Variants in PIDD1 observed in about 807,000 individuals in gnomAD.
The protein encoded by PIDD1 is p53-induced death domain-containing protein 1.
In PIDD1, 72 loss-of-function variants were observed where a neutral mutation model predicts 80.0. The ratio of observed to expected loss-of-function variants is 0.90; its 90% CI spans 0.74 to 1.09. The LOEUF (loss-of-function observed/expected upper bound fraction) is 1.09. Among genes scored for constraint, PIDD1 ranks in the 50% least tolerant of loss-of-function variants. The probability of loss-of-function intolerance (pLI) is 0.00; values close to 1 mark genes in which losing one functional copy is unlikely to be tolerated. For missense variants in PIDD1, 1,329 were observed against 1,228.3 expected, an observed-to-expected ratio of 1.08 and a Z score of -1.23; for synonymous variants, 655 against 543.5, an observed-to-expected ratio of 1.21 and a Z score of -2.85.
In PIDD1 at chr11:799,948, C is replaced by T. The variant is rs771866822; in HGVS notation, c.2341G>A (p.Asp781Asn). Residue 781 changes from aspartate (D) to asparagine (N), a missense_variant, in exon 15 of 16, where the codon GAT becomes AAT. Coordinates refer to ENST00000347755, the MANE Select transcript of PIDD1 (RefSeq NM_145886.4). ...GLSLAPLNLG[D>N]AETGFLTQSN... The stretch of plus-strand genomic sequence containing the variant: ...TGCGTCAGAAAGCCGGTCTCGGCAT[C>T]TCCCAGATTCAAGGGTGCCAAGGAG... The T allele has an allele frequency of 3.1e-6, 5 of 1,612,834 alleles. No individual in the cohort carries two copies. The highest frequency in any genetic ancestry group is 2.2e-5 in the East Asian group (1 of 44,884).
chr11:800,190 C>A lies in PIDD1; in HGVS notation c.2215G>T (p.Ala739Ser). The change falls in exon 14 of 16, where the codon GCC becomes TCC. Residue 739 changes from alanine (A) to serine (S), a missense_variant. By Grantham distance (99) the Ala-to-Ser change is moderately conservative. Coordinates refer to ENST00000347755, the MANE Select transcript of PIDD1 (RefSeq NM_145886.4). ...PVRVPEEAEA[A>S]RQRKGADALW... Reference sequence around the variant, plus strand: ...GCGTCTGCGCCCTTCCTCTGCCGGGCAGCCTCAGCCTCCTCGGGCACCCGC... The same window carrying A: ...GCGTCTGCGCCCTTCCTCTGCCGGGAAGCCTCAGCCTCCTCGGGCACCCGC... 1 of 1,610,732 alleles carries A rather than the reference C, an allele frequency of 6.2e-7. No individual in the cohort carries two copies. Among genetic ancestry groups the A allele is most frequent in the Non-Finnish European group, 8.5e-7 (1 of 1,179,272 alleles).
At position 800,614 on chromosome 11, in the gene PIDD1, G is replaced by A. The variant is rs1159345796; in HGVS notation, c.1970C>T (p.Ser657Phe). The A allele has an allele frequency of 6.2e-7, 1 of 1,600,994 alleles. No individual in the cohort carries two copies. The highest frequency in any genetic ancestry group is 8.5e-7 in the Non-Finnish European group (1 of 1,177,940). Residue 657 changes from serine to phenylalanine, a missense_variant, in exon 12 of 16, where the codon TCT becomes TTT. By Grantham distance (155) the Ser-to-Phe change is radical (BLOSUM62 -2). Transcript: ENST00000347755. The part of the protein sequence containing the change: ...LLERYRGPEP[S>F]DTVEMFEGEE... ...GCCCTCGAACATCTCCACCGTGTCAGAGGGCTCGGGGCCCCGGTACCGCTC... is the reference window on the plus strand; with the variant it reads ...GCCCTCGAACATCTCCACCGTGTCAAAGGGCTCGGGGCCCCGGTACCGCTC...
rs1269654992 is a variant in PIDD1, at chr11:804,534, G to GA, written c.-75-72dup. On this transcript the variant is annotated intron_variant, in intron 1 of 15. Transcript: ENST00000347755. ...TCTCTTTGGGGAAACAGGGACTCTG[G>GA]ATGGAGTGGGGAGCTCTAGAGCCAG... The GA allele has an allele frequency of 3.6e-6, 5 of 1,399,456 alleles. No individual in the cohort carries two copies. The Admixed American group carries it at 1.4e-4, about 40-fold the overall frequency. 86.7% of individuals were successfully genotyped at this position (1,399,456 alleles called of 1,614,324 possible).
chr11:805,300 G>C (rs1423068090), upstream of PIDD1: 1 of 848,492 alleles, frequency 1.2e-6, no homozygotes, highest in Non-Finnish European at 1.4e-6. Context: ...CCGCCCCCTC[G>C]GGACGCGCCC....
Position 800,742 on chromosome 11 carries a change from C to T in PIDD1, c.1917+20G>A, listed in dbSNP as rs779023204. Reference sequence around the variant, plus strand: ...AGCCCTCTGGTCACCACCCTGCTGCCCTCCGGCCCGTGCCCCCACCTTGTT... The same window carrying T: ...AGCCCTCTGGTCACCACCCTGCTGCTCTCCGGCCCGTGCCCCCACCTTGTT... On this transcript the variant is annotated intron_variant, in intron 11 of 15. Coordinates refer to ENST00000347755, the MANE Select transcript of PIDD1 (RefSeq NM_145886.4). 3.2e-6 allele frequency: 5 copies of T among 1,545,264 alleles called. No individual in the cohort carries two copies. In the African/African-American group the frequency reaches 4.1e-5, roughly 13 times the overall value.
At chr11:807,018 CGT>C (rs1865807302), upstream of PIDD1, among the ~76,000 whole-genome samples, 1 of 152,064 alleles carries the variant, frequency 6.6e-6, no homozygotes, top group Non-Finnish European at 1.5e-5. Flanking sequence ...ATGGTGAAAC[CGT>C]GTGTCTATTA....
chr11:802,396 G>A lies in PIDD1; in HGVS notation c.975C>T (p.Ser325=). 1 of 1,611,888 alleles carries A rather than the reference G, an allele frequency of 6.2e-7. No homozygotes were observed. Among genetic ancestry groups the A allele is most frequent in the Non-Finnish European group, 8.5e-7 (1 of 1,179,586 alleles). ...PRLFLTSDLD[S]FPVTPQGCSV... Reference sequence around the variant, plus strand: ...AGCAGCCTTGAGGGGTCACAGGAAAGCTGAGTGAGGAAGGAGCGAGCAACA... The same window carrying A: ...AGCAGCCTTGAGGGGTCACAGGAAAACTGAGTGAGGAAGGAGCGAGCAACA... Residue 325 remains serine, a splice_region_variant and synonymous_variant, in exon 6 of 16, where the codon AGC becomes AGT. Transcript: ENST00000347755.
At position 804,368 on chromosome 11, in the gene PIDD1, C is replaced by T; in HGVS notation, c.21G>A (p.Gly7=). Residue 7 remains glycine (G), a synonymous_variant, in exon 2 of 16, where the codon GGG becomes GGA. Transcript: ENST00000347755. The part of the protein sequence containing the change: MAATVE[G]PELEAAAAAG... ...CGGCAGCAGCTGCCTCCAGCTCTGG[C>T]CCCTCCACCGTTGCAGCCATCGCCC... 1 of 1,598,582 alleles carries T rather than the reference C, an allele frequency of 6.3e-7. No individual in the cohort carries two copies. The highest frequency in any genetic ancestry group is 8.5e-7 in the Non-Finnish European group (1 of 1,170,662).
Position 803,413 on chromosome 11 carries a change from T to G in PIDD1, c.470A>C (p.His157Pro). ...CTCAGGCAGCTCAGAGAGGCAGTTG[T>G]GAGACAGCAAGAGCGCACCCAGACC... Reference protein sequence around the residue: ...MRGLGALLLSHNCLSELPEAL... With the variant: ...MRGLGALLLSPNCLSELPEAL... The change falls in exon 3 of 16, where the codon CAC (histidine) becomes CCC (proline). Residue 157 changes from histidine to proline, a missense_variant. Transcript: ENST00000347755. 6.2e-7 allele frequency: 1 copy of G among 1,613,860 alleles called. No homozygotes were observed. Among genetic ancestry groups the G allele is most frequent in the Non-Finnish European group, 8.5e-7 (1 of 1,179,982 alleles).
At chr11:804,549 T>C in intron 1 of PIDD1, 86 bp from the exon 2 acceptor site, 1 of 1,350,918 alleles carries the variant, frequency 7.4e-7, no homozygotes, top group Non-Finnish European at 9.7e-7. Context: ...AGTGGGGAGC[T>C]CTAGAGCCAG....
At chr11:801,141 G>A (rs371002095) in intron 9 of PIDD1, 21 bp from the exon 10 acceptor site, 46 of 1,548,186 alleles carry the variant, frequency 3.0e-5, no homozygotes, top group African/African-American at 5.4e-5. Flanking sequence ...GAGGGGCAGC[G>A]AGCTGAGGCC....
chr11:800,512 C>T, intron 12 of PIDD1, 31 bp downstream of exon 12: 11 of 1,609,834 alleles, frequency 6.8e-6, no homozygotes, highest in South Asian at 1.1e-5. Flanking sequence ...GCTCCCCCTC[C>T]AGGGCAGGGA....
At chr11:802,945 A>G in intron 3 of PIDD1, 54 bp from the exon 4 acceptor site, 1 of 1,436,426 alleles carries the variant, frequency 7.0e-7, no homozygotes, top group South Asian at 1.2e-5. Context: ...CGGCGCTGGG[A>G]CACTCCTGCT....
chr11:800,999 G>T lies in PIDD1; in HGVS notation c.1752C>A (p.Val584=). 6.2e-7 allele frequency: 1 copy of T among 1,604,846 alleles called. No individual in the cohort carries two copies. The highest frequency in any genetic ancestry group is 8.5e-7 in the Non-Finnish European group (1 of 1,176,302). Residue 584 remains valine (V), a synonymous_variant, in exon 10 of 16, where the codon GTC becomes GTA. Transcript: ENST00000347755. The part of the protein sequence containing the change: ...ELTHLYARFQ[V]THFSWYWLWY... ...GGGGCACTGACCAGGAGAAGTGTGT[G>T]ACCTGGAAGCGTGCGTACAGGTGGG... is the stretch of plus-strand genomic sequence containing the variant.
At position 804,285 on chromosome 11, in the gene PIDD1, C is replaced by T; in HGVS notation, c.104G>A (p.Gly35Asp). 1 of 1,612,948 alleles carries T rather than the reference C, an allele frequency of 6.2e-7. No individual in the cohort carries two copies. Among genetic ancestry groups the T allele is most frequent in the Non-Finnish European group, 8.5e-7 (1 of 1,179,980 alleles). Residue 35 changes from glycine to aspartate, a missense_variant, in exon 2 of 16, where the codon GGC becomes GAC. By Grantham distance (94) the Gly-to-Asp change is moderately conservative. Coordinates refer to ENST00000347755, the MANE Select transcript of PIDD1 (RefSeq NM_145886.4). ...AGSRALPFLG[G>D]NRLSLDLYPG... ...GTACAGGTCCAAGCTCAGCCGGTTG[C>T]CGCCCAGGAAAGGCAGCGCCCTGGA...
At chr11:803,010 C>G (rs996429652) in intron 3 of PIDD1, 119 bp from the exon 4 acceptor site, 3 of 1,057,142 alleles carry the variant, frequency 2.8e-6, no homozygotes, top group Non-Finnish European at 4.1e-6. Flanking sequence ...GCTCAGAGAA[C>G]TCTGACAAAG....
chr11:800,266 T>C, intron 13 of PIDD1, 22 bp from the exon 14 acceptor site: 3 of 1,610,686 alleles, frequency 1.9e-6, no homozygotes, highest in Non-Finnish European at 2.5e-6. Flanking sequence ...TCGAATGGGG[T>C]TCGGAGTTCG....
chr11:803,255 GT>G lies in PIDD1; in HGVS notation c.627del (p.Pro210LeufsTer61). The G allele has an allele frequency of 6.2e-7, 1 of 1,613,308 alleles. No individual in the cohort carries two copies. The highest frequency in any genetic ancestry group is 8.5e-7 in the Non-Finnish European group (1 of 1,179,972). ...LDLSQNLLDT[L>X]PPEIGGLGSL... ...CTGCCCAGGCCTCCAATCTCAGGAGGTAGCGTGTCCAGCAGATTCTGAGAGA... is the reference window on the plus strand; with the variant it reads ...CTGCCCAGGCCTCCAATCTCAGGAGGAGCGTGTCCAGCAGATTCTGAGAGA... On this transcript the variant is annotated frameshift_variant, in exon 3 of 16. Coordinates refer to ENST00000347755, the MANE Select transcript of PIDD1 (RefSeq NM_145886.4). LOFTEE classifies it high-confidence loss of function.
Position 799,944 on chromosome 11 carries a change from G to A in PIDD1, c.2345C>T (p.Ala782Val), listed in dbSNP as rs748016739. 1.9e-6 allele frequency: 3 copies of A among 1,612,694 alleles called. No homozygotes were observed. Among genetic ancestry groups the A allele is most frequent in the Middle Eastern group, 1.6e-4 (1 of 6,084 alleles). ...GCTCTGCGTCAGAAAGCCGGTCTCG[G>A]CATCTCCCAGATTCAAGGGTGCCAA... ...LSLAPLNLGD[A>V]ETGFLTQSNL... The change falls in exon 15 of 16, where the codon GCC becomes GTC. Residue 782 changes from alanine (A) to valine (V), a missense_variant. Transcript: ENST00000347755.
Sources: gnomAD v4.1 joint callset for allele counts (sites outside exome capture counted in the v4.1 genomes callset) on GRCh38, gnomAD v4.1.1 for gene constraint, MANE v1.5 for transcripts, NCBI Gene and HGNC (gene_info 2026-07-23, HGNC 2026-07-21) for gene names.